The following SMPD4 variants were observed in gnomAD, a reference collection of about 807,000 sequenced individuals.
SMPD4 encodes neutral sphingomyelinase 3.
SMPD4 carries 58 observed loss-of-function variants against 97.8 expected under a neutral mutation model. That is an observed-to-expected ratio of 0.59 (90% confidence interval 0.48 to 0.74). The LOEUF is 0.74. Ranked by LOEUF, SMPD4 falls within the 30% of genes least tolerant of loss-of-function variation. The pLI is 0.00. For missense variants in SMPD4, 853 were observed against 1,080.5 expected (o/e 0.79, Z 2.95); for synonymous variants, 388 against 450.0 (o/e 0.86, Z 1.74).
At chr2:130,159,072 G>A (rs1687140895) in intron 11 of SMPD4, among the ~76,000 whole-genome samples, 1 of 152,062 alleles carries the variant, frequency 6.6e-6, no homozygotes, top group East Asian at 1.9e-4. Context: ...TCGGCTCACT[G>A]CAGCCTCTGC....
intron 3 of SMPD4, among the ~76,000 whole-genome samples, chr2:130,174,092 C>T (rs1248973801): frequency 6.6e-6 from 1 of 152,212 alleles, no homozygotes; most frequent in East Asian, 1.9e-4. Flanking sequence ...GCAATTATGG[C>T]TCACTGCAGC....
At chr2:130,156,195 G>GTATCTGGGCTCC in intron 13 of SMPD4, 60 bp from the exon 14 acceptor site, 1 of 1,474,286 alleles carries the variant, frequency 6.8e-7, no homozygotes, top group Non-Finnish European at 9.4e-7. Flanking sequence ...CGGTGGCCTG[G>GTATCTGGGCTCC]AGCCCAGATA....
chr2:130,156,027 A>C lies in SMPD4; in HGVS notation c.1289+8T>G, dbSNP rs200865582. 1.5e-3 allele frequency: 2,440 copies of C among 1,609,924 alleles called. 5 individuals carry two copies. Among genetic ancestry groups the C allele is most frequent in the African/African-American group, 5.2e-3 (387 of 74,934 alleles). ...AGTGGCATGTCTGTGAGAGGAGCTG[A>C]GGCTCACCATTTCTCCGACACACAC... On this transcript the variant is annotated splice_region_variant and intron_variant, in intron 14 of 19. Coordinates refer to ENST00000680298, the MANE Select transcript of SMPD4 (RefSeq NM_017951.5).
At chr2:130,181,217 A>G (rs1689577414) in intron 1 of SMPD4, 1 of 1,201,870 alleles carries the variant, frequency 8.3e-7, no homozygotes, top group Non-Finnish European at 1.0e-6. Flanking sequence ...CCGCCTGTTG[A>G]GCCCAAGGCT....
intron 8 of SMPD4, among the ~76,000 whole-genome samples, chr2:130,170,072 A>G (rs75042103): frequency 0.14 from 18,803 of 132,506 alleles, 1 homozygote; most frequent in East Asian, 0.42. Flanking sequence ...AGCTGGCTGT[A>G]GTGATGCATG....
In SMPD4 at chr2:130,161,756, C is replaced by T. The variant is rs566802338; in HGVS notation, c.865-484G>A. The stretch of plus-strand genomic sequence containing the variant: ...CCTCACTGGGACATGCTGCCAGCCA[C>T]CAAGACCTCAAGATCCTGAGGCTCA... On this transcript the variant is annotated intron_variant, in intron 10 of 19. Coordinates refer to ENST00000680298, the MANE Select transcript of SMPD4 (RefSeq NM_017951.5). Among the ~76,000 whole-genome samples, 7 of 152,304 alleles carry T rather than the reference C, an allele frequency of 4.6e-5. No homozygotes were observed. In the South Asian group the frequency reaches 1.2e-3, roughly 27 times the overall value.
Position 130,161,194 on chromosome 2 carries a change from C to G in SMPD4, c.943G>C (p.Ala315Pro). The G allele has an allele frequency of 6.2e-7, 1 of 1,613,072 alleles. No homozygotes were observed. Among genetic ancestry groups the G allele is most frequent in the Non-Finnish European group, 8.5e-7 (1 of 1,179,666 alleles). ...AACGAATGAGCCAGTACTTGGTAGG[C>G]GTGGAGGGCCTGGAGGCTGGGTTGG... ...PAQPSLQALH[A>P]YQESFTPTEE... Residue 315 changes from alanine to proline, a missense_variant, in exon 11 of 20, where the codon GCC becomes CCC. By Grantham distance (27) the Ala-to-Pro change is conservative. This residue lies in a region of SMPD4 where 313 missense variants were observed against 402.2 expected (regional missense o/e 0.78). Transcript: ENST00000680298.
intron 1 of SMPD4, 75 bp from the exon 2 acceptor site, chr2:130,176,712 G>GATTATTTTTTTA: frequency 7.8e-7 from 1 of 1,281,934 alleles, no homozygotes; most frequent in African/African-American, 1.5e-5. Flanking sequence ...TTTAGAGACA[G>GATTATTTTTTTA]GGTCTTGTTC....
chr2:130,181,121 G>A (rs1558770591), intron 1 of SMPD4, among the ~76,000 whole-genome samples: 1 of 152,082 alleles, frequency 6.6e-6, no homozygotes, highest in African/African-American at 2.4e-5. Flanking sequence ...ATTGGGCTTC[G>A]GGAGCCTCCA....
At chr2:130,173,089 A>G (rs1688634623) in intron 5 of SMPD4, among the ~76,000 whole-genome samples, 190 bp downstream of exon 5, 2 of 152,140 alleles carry the variant, frequency 1.3e-5, no homozygotes. Context: ...TTCTCCTACC[A>G]TCATCTCATA....
chr2:130,181,744 G>C (rs1456294986), upstream of SMPD4: 2 of 1,548,404 alleles, frequency 1.3e-6, no homozygotes, highest in Non-Finnish European at 1.7e-6. Flanking sequence ...TGCGGGGGAG[G>C]GAGTGGTCCT....
At chr2:130,172,925 C>T (rs756275371) in intron 5 of SMPD4, 30 bp from the exon 6 acceptor site, 29 of 1,594,198 alleles carry the variant, frequency 1.8e-5, no homozygotes, top group Non-Finnish European at 2.2e-5. Context: ...GGCTTGTGGG[C>T]AGGTGCTGGT....
chr2:130,155,925 G>A (rs1686739054), intron 14 of SMPD4, 110 bp downstream of exon 14: 2 of 1,107,826 alleles, frequency 1.8e-6, no homozygotes, highest in Non-Finnish European at 1.3e-6. Flanking sequence ...GGCCACGGGG[G>A]CCAGGGCCAG....
At position 130,174,905 on chromosome 2, in the gene SMPD4, G is replaced by A. The variant is rs377253690; in HGVS notation, c.126+9C>T. On this transcript the variant is annotated intron_variant, in intron 3 of 19. Transcript: ENST00000680298. ...CATGCTCCAAAGAGAGACGTTAGCA[G>A]AGCTATACCTTTGCTGGAAAGTCCT... 12 of 1,573,806 alleles carry A rather than the reference G, an allele frequency of 7.6e-6. No homozygotes were observed. The highest frequency in any genetic ancestry group is 9.6e-6 in the Non-Finnish European group (11 of 1,144,152).
Position 130,153,884 on chromosome 2 carries a change from T to G in SMPD4, c.1711A>C (p.Ile571Leu). The stretch of plus-strand genomic sequence containing the variant: ...GGGCTCTCCGCACACTGGTCGGAGA[T>G]GGACTTGGCTGTGTGTTTGGCCTGT... ...ITQAKHTAKS[I>L]SDQCAESPAG... Residue 571 changes from isoleucine to leucine, a missense_variant, in exon 17 of 20, where the codon ATC becomes CTC. By Grantham distance (5) the Ile-to-Leu change is conservative. Around this residue, in one of 3 missense-constraint regions of SMPD4, gnomAD observed 511 missense variants for 608.1 expected, o/e 0.84. Coordinates refer to ENST00000680298, the MANE Select transcript of SMPD4 (RefSeq NM_017951.5). 1.2e-6 allele frequency: 2 copies of G among 1,613,820 alleles called. No individual in the cohort carries two copies. Among genetic ancestry groups the G allele is most frequent in the Non-Finnish European group, 1.7e-6 (2 of 1,179,862 alleles).
chr2:130,179,702 T>G (rs1689317705), intron 1 of SMPD4, among the ~76,000 whole-genome samples: 1 of 151,782 alleles, frequency 6.6e-6, no homozygotes, highest in Non-Finnish European at 1.5e-5. Flanking sequence ...GTTGCCAAGC[T>G]GGAGTCCAAT....
chr2:130,152,789 G>T lies in SMPD4; in HGVS notation c.2250C>A (p.His750Gln), dbSNP rs777019538. ...GCCTCCGCCCCACAGGGCTCAGCAG[G>T]TGCCTGCTGGCCAGCCCAGGTTCTG... Reference protein sequence around the residue: ...HLTEPGLASRHLLSPVGRRQV... With the variant: ...HLTEPGLASRQLLSPVGRRQV... The change falls in exon 20 of 20, where the codon CAC (histidine) becomes CAA (glutamine). Residue 750 changes from histidine (H) to glutamine (Q), a missense_variant. Transcript: ENST00000680298. 3.7e-6 allele frequency: 6 copies of T among 1,609,798 alleles called. No individual in the cohort carries two copies. The South Asian group carries it at 5.5e-5, about 15-fold the overall frequency.
At chr2:130,174,321 G>T (rs1286902526) in intron 3 of SMPD4, among the ~76,000 whole-genome samples, 1 of 152,182 alleles carries the variant, frequency 6.6e-6, no homozygotes, top group Non-Finnish European at 1.5e-5. Context: ...ACAAAAAAAA[G>T]ATTCTTTAAA....
chr2:130,154,124 A>T (rs1686518303), intron 16 of SMPD4, 153 bp downstream of exon 16: 1 of 1,155,310 alleles, frequency 8.7e-7, no homozygotes, highest in Non-Finnish European at 1.2e-6. Flanking sequence ...CGTTATCAGG[A>T]AAAAATTAGA....
Sources: gnomAD v4.1 joint callset for allele counts (sites outside exome capture counted in the v4.1 genomes callset) on GRCh38, gnomAD v4.1.1 for gene constraint, gnomAD v4.1.1 regional missense constraint, MANE v1.5 for transcripts, NCBI Gene and HGNC (gene_info 2026-07-23, HGNC 2026-07-21) for gene names.